AGMO: variants seen among roughly 807,000 people sequenced by gnomAD.
AGMO encodes alkylglycerol monooxygenase.
Under a neutral mutation model 60.2 loss-of-function variants are expected in AGMO, and 75 were observed. That is an observed-to-expected ratio of 1.25 (90% confidence interval 1.03 to 1.51). The LOEUF is 1.51. Ranked by LOEUF, AGMO falls within the 40% of genes most tolerant of loss-of-function variation. AGMO has a pLI of 0.00. For missense variants in AGMO, 763 were observed against 525.5 expected (o/e 1.45, Z -4.42); for synonymous variants, 261 against 177.1 (o/e 1.47, Z -3.76).
At chr7:15,266,164 GT>G (rs1039850618) in intron 12 of AGMO, among the ~76,000 whole-genome samples, 14 of 151,930 alleles carry the variant, frequency 9.2e-5, no homozygotes, top group African/African-American at 3.4e-4. Context: ...AATAGGTACT[GT>G]TTTTGTTTAA....
At chr7:15,279,190 A>C (rs973314624) in intron 12 of AGMO, among the ~76,000 whole-genome samples, 1 of 152,138 alleles carries the variant, frequency 6.6e-6, no homozygotes, top group Non-Finnish European at 1.5e-5. Context: ...GTAAAGGTCC[A>C]TGGCAGAAGT....
At chr7:15,160,736 A>C in the AGMO span, among the ~76,000 whole-genome samples, 1 of 152,206 alleles carries the variant, frequency 6.6e-6, no homozygotes. Context: ...TGTGTCAAAT[A>C]GGTTAGGCCA....
At chr7:15,158,713 C>T in the AGMO span, among the ~76,000 whole-genome samples, 2 of 151,988 alleles carry the variant, frequency 1.3e-5, no homozygotes, top group African/African-American at 2.4e-5. Flanking sequence ...CTTATAAAGC[C>T]CCAGCATAGA....
In AGMO at chr7:15,390,653, A is replaced by T; in HGVS notation, c.822+18T>A. The T allele has an allele frequency of 6.5e-7, 1 of 1,528,916 alleles. No homozygotes were observed. The highest frequency in any genetic ancestry group is 8.9e-7 in the Non-Finnish European group (1 of 1,117,392). 94.7% of individuals were successfully genotyped at this position (1,528,916 alleles called of 1,614,324 possible). A position where few individuals can be genotyped will look rare whatever the true frequency, so the allele number is the denominator to read the frequency against. ...GAAATGATATAAATGAAGAAAGAAT[A>T]AAAAACAAGTATGTTACCTGCACTT... is the stretch of plus-strand genomic sequence containing the variant. On this transcript the variant is annotated intron_variant, in intron 8 of 12. Transcript: ENST00000342526.
chr7:15,432,798 T>C (rs182457351), intron 3 of AGMO, among the ~76,000 whole-genome samples: 2 of 151,992 alleles, frequency 1.3e-5, no homozygotes, highest in East Asian at 3.9e-4. Context: ...TATGCAGTCA[T>C]AATCTTTGAA....
At chr7:15,193,880 C>T in the AGMO span, among the ~76,000 whole-genome samples, 1 of 152,092 alleles carries the variant, frequency 6.6e-6, no homozygotes, top group African/African-American at 2.4e-5. Flanking sequence ...TTGTATTTAA[C>T]ATCAATTGTA....
chr7:15,369,871 T>C (rs906049333), intron 10 of AGMO, among the ~76,000 whole-genome samples: 1 of 152,196 alleles, frequency 6.6e-6, no homozygotes, highest in Non-Finnish European at 1.5e-5. Flanking sequence ...ATTGCTAATA[T>C]GTTATTTTGG....
chr7:15,359,387 G>A (rs918050845), intron 12 of AGMO, among the ~76,000 whole-genome samples: 3 of 151,010 alleles, frequency 2.0e-5, no homozygotes, highest in African/African-American at 7.4e-5. Context: ...TTATGCTTTG[G>A]GTGTTTCTAA....
chr7:15,331,827 G>A (rs140225224), intron 12 of AGMO, among the ~76,000 whole-genome samples: 5 of 152,014 alleles, frequency 3.3e-5, no homozygotes, highest in African/African-American at 1.2e-4. Flanking sequence ...TCAGGAGGCT[G>A]AGGCAAGAAA....
At chr7:15,271,981 T>C (rs1783626065) in intron 12 of AGMO, among the ~76,000 whole-genome samples, 1 of 152,144 alleles carries the variant, frequency 6.6e-6, no homozygotes, top group Non-Finnish European at 1.5e-5. Context: ...TTGATTTGCA[T>C]GGTTGTTCAT....
chr7:15,135,979 C>CTTTTTTTTTTTTTTTTTTGTT, the AGMO span, among the ~76,000 whole-genome samples: 1 of 106,870 alleles, frequency 9.4e-6, no homozygotes, highest in Non-Finnish European at 1.8e-5. Flanking sequence ...TTTTTCTTTT[C>CTTTTTTTTTTTTTTTTTTGTT]TTTTTTTTTT....
chr7:15,172,509 C>A, the AGMO span, among the ~76,000 whole-genome samples: 1 of 152,160 alleles, frequency 6.6e-6, no homozygotes, highest in African/African-American at 2.4e-5. Flanking sequence ...AAAGCATCAA[C>A]ACTTAAAATA....
At chr7:15,516,250 G>A (rs1015646981) in intron 3 of AGMO, among the ~76,000 whole-genome samples, 1 of 152,036 alleles carries the variant, frequency 6.6e-6, no homozygotes, top group African/African-American at 2.4e-5. Flanking sequence ...GAGAGAGAGA[G>A]AGAAGGAGAA....
the AGMO span, among the ~76,000 whole-genome samples, chr7:15,124,850 A>C: frequency 8.5e-5 from 13 of 152,064 alleles, no homozygotes; most frequent in Non-Finnish European, 1.6e-4. Context: ...CAAAGGCTGA[A>C]GTCATGGAAG....
At chr7:15,143,650 G>A in the AGMO span, among the ~76,000 whole-genome samples, 1 of 151,448 alleles carries the variant, frequency 6.6e-6, no homozygotes, top group African/African-American at 2.4e-5. Flanking sequence ...ATGAGCAGAC[G>A]GAGTTGGCAC....
chr7:15,251,961 T>C lies in AGMO; in HGVS notation c.1264-50602A>G, dbSNP rs138872624. On this transcript the variant is annotated intron_variant, in intron 12 of 12. Coordinates refer to ENST00000342526, the MANE Select transcript of AGMO (RefSeq NM_001004320.2). ...ATATGTTTACCAGGTTATCTGTAGT[T>C]CATTCATAGTTTGCTCCCATTCTGA... Among the ~76,000 whole-genome samples, 13 of 152,346 alleles carry C rather than the reference T, an allele frequency of 8.5e-5. No homozygotes were observed. The East Asian group carries it at 2.5e-3, about 29-fold the overall frequency.
chr7:15,289,826 T>C (rs1424176706), intron 12 of AGMO, among the ~76,000 whole-genome samples: 2 of 151,926 alleles, frequency 1.3e-5, no homozygotes, highest in African/African-American at 4.8e-5. Context: ...TAGTAAAAGG[T>C]AAATAAATGA....
intron 10 of AGMO, among the ~76,000 whole-genome samples, chr7:15,381,853 G>A (rs1239112276): frequency 6.6e-6 from 1 of 152,138 alleles, no homozygotes; most frequent in East Asian, 1.9e-4. Flanking sequence ...CAAAAACAAT[G>A]AGGTCATGTC....
intron 9 of AGMO, among the ~76,000 whole-genome samples, chr7:15,386,377 C>T (rs1177082537): frequency 1.3e-5 from 2 of 152,114 alleles, no homozygotes; most frequent in African/African-American, 4.8e-5. Context: ...TTAATGCAGA[C>T]TCCAGCACTC....
Sources: allele counts gnomAD v4.1 joint callset (sites outside exome capture counted in the v4.1 genomes callset), GRCh38; gene constraint gnomAD v4.1.1; transcripts MANE v1.5; gene names NCBI Gene and HGNC (gene_info 2026-07-23, HGNC 2026-07-21).